FRAS1: variants seen among roughly 807,000 people sequenced by gnomAD.
The protein encoded by FRAS1 is Fraser extracellular matrix complex subunit 1, also known as extracellular matrix organizing protein FRAS1.
In FRAS1, 290 loss-of-function variants were observed where a neutral mutation model predicts 435.2. The ratio of observed to expected loss-of-function variants is 0.67; its 90% CI spans 0.61 to 0.73. The LOEUF is 0.73. Ranked by LOEUF, FRAS1 falls within the 30% of genes least tolerant of loss-of-function variation. The pLI, the probability that FRAS1 is intolerant of heterozygous loss-of-function variation, is 0.00. For synonymous variants in FRAS1, 1,800 were observed against 1,851.0 expected (o/e 0.97, Z 0.71); for missense variants, 4,860 against 5,001.5 (o/e 0.97, Z 0.85).
chr4:78,467,013 A>G (rs1325484380), intron 50 of FRAS1, among the ~76,000 whole-genome samples: 1 of 152,170 alleles, frequency 6.6e-6, no homozygotes, highest in Non-Finnish European at 1.5e-5. Flanking sequence ...TGGGCATACA[A>G]TGTTTAACAC....
At position 78,483,799 on chromosome 4, in the gene FRAS1, A is replaced by ATATAT. The variant is rs1560753038; in HGVS notation, c.8752+1264_8752+1265insTATAT. ...CTCTCTCTCTATATATATATATATA[A>ATATAT]AATTATGTATGTGTGATACACACAC... On this transcript the variant is annotated intron_variant, in intron 58 of 73. Coordinates refer to ENST00000512123, the MANE Select transcript of FRAS1 (RefSeq NM_025074.7). Among the ~76,000 whole-genome samples the ATATAT allele has an allele frequency of 1.6e-3, 108 of 67,446 alleles. 7 individuals are homozygous for ATATAT. The highest frequency in any genetic ancestry group is 0.015 in the Middle Eastern group (2 of 130). 44.2% of individuals were successfully genotyped at this position (67,446 alleles called of 152,430 possible).
intron 6 of FRAS1, among the ~76,000 whole-genome samples, chr4:78,258,116 G>A (rs1725873447): frequency 6.6e-6 from 1 of 152,120 alleles, no homozygotes; most frequent in Non-Finnish European, 1.5e-5. Flanking sequence ...CTACAGGGGT[G>A]AATTGCTTGA....
chr4:78,084,125 T>G (rs564226893), intron 2 of FRAS1, among the ~76,000 whole-genome samples: 1 of 152,242 alleles, frequency 6.6e-6, no homozygotes, highest in East Asian at 1.9e-4. Context: ...TTCCTCCTTA[T>G]TCACAATTTC....
rs764042258 is a variant in FRAS1, at chr4:78,432,517, G to A, written c.5130G>A (p.Gly1710=). Residue 1710 remains glycine (G), a synonymous_variant, in exon 38 of 74, where the codon GGG becomes GGA. Transcript: ENST00000512123. ...AGGTGTCCCTGTCAGAAGACCGAGG[G>A]CCTCGACTGGCTGCTGGCTCCTCTC... The part of the protein sequence containing the change: ...RVEVSLSEDR[G]PRLAAGSSLS... The A allele has an allele frequency of 8.7e-6, 14 of 1,612,934 alleles. No homozygotes were observed. The highest frequency in any genetic ancestry group is 1.2e-5 in the Non-Finnish European group (14 of 1,179,456).
At chr4:78,418,201 T>C (rs1183883553) in intron 32 of FRAS1, among the ~76,000 whole-genome samples, 2 of 152,248 alleles carry the variant, frequency 1.3e-5, no homozygotes, top group African/African-American at 4.8e-5. Context: ...AGTATCTAGT[T>C]CTTTTGACCA....
chr4:78,397,484 T>A (rs1242464476), intron 29 of FRAS1, among the ~76,000 whole-genome samples: 1 of 152,200 alleles, frequency 6.6e-6, no homozygotes, highest in Non-Finnish European at 1.5e-5. Flanking sequence ...CCGAAGAGCC[T>A]GAATGTACTC....
At chr4:78,423,724 CT>C (rs1315119933) in intron 34 of FRAS1, among the ~76,000 whole-genome samples, 1 of 152,148 alleles carries the variant, frequency 6.6e-6, no homozygotes, top group Non-Finnish European at 1.5e-5. Flanking sequence ...TAGGCTTCCT[CT>C]TTAGTGTCTG....
intron 70 of FRAS1, among the ~76,000 whole-genome samples, chr4:78,527,407 C>T (rs1721570230): frequency 6.6e-6 from 1 of 152,158 alleles, no homozygotes; most frequent in Admixed American, 6.6e-5. Context: ...GATAGCACTA[C>T]ACTAGAGCAG....
chr4:78,127,900 C>A (rs1397129919), intron 2 of FRAS1, among the ~76,000 whole-genome samples: 1 of 117,946 alleles, frequency 8.5e-6, no homozygotes, highest in Admixed American at 9.4e-5. Context: ...TATCCCTTCC[C>A]CCTCCCCCCA....
rs774589887 is a variant in FRAS1, at chr4:78,437,812, G to A, written c.5218-758G>A. On this transcript the variant is annotated intron_variant, in intron 38 of 73. Transcript: ENST00000512123. ...ACTCAGGGAAACTTTATAAGAAGAT[G>A]TTGCCTGCCTCCCAGATATTTCCAA... 2.0e-5 allele frequency among the ~76,000 whole-genome samples: 3 copies of A among 152,230 alleles called. No individual in the cohort carries two copies. The East Asian group carries it at 5.8e-4, about 29-fold the overall frequency.
At position 78,499,901 on chromosome 4, in the gene FRAS1, G is replaced by A. The variant is rs149692526; in HGVS notation, c.9296G>A (p.Arg3099Gln). The part of the protein sequence containing the change: ...QSGVDYYPKS[R>Q]VLKFSPGVDH... ...GGTGTGGATTATTACCCAAAGAGCC[G>A]AGTCTTGAAGTTCAGTCCCGGTAAT... Residue 3099 changes from arginine to glutamine, a missense_variant, in exon 61 of 74, where the codon CGA (arginine) becomes CAA (glutamine). Transcript: ENST00000512123. 1,262 of 1,573,670 alleles carry A rather than the reference G, an allele frequency of 8.0e-4. 7 individuals carry two copies. The Middle Eastern group carries it at 0.013, about 16-fold the overall frequency.
intron 30 of FRAS1, among the ~76,000 whole-genome samples, chr4:78,406,012 TG>T (rs1733081268): frequency 6.6e-6 from 1 of 152,234 alleles, no homozygotes; most frequent in South Asian, 2.1e-4. Flanking sequence ...AACAGATTGC[TG>T]GTGATGGTGG....
At chr4:78,073,788 C>A (rs974980963) in intron 2 of FRAS1, among the ~76,000 whole-genome samples, 1 of 152,090 alleles carries the variant, frequency 6.6e-6, no homozygotes, top group Non-Finnish European at 1.5e-5. Flanking sequence ...ATTTCAGTTA[C>A]AAATGTCTGA....
chr4:78,106,295 G>A (rs1345280825), intron 2 of FRAS1, among the ~76,000 whole-genome samples: 1 of 83,650 alleles, frequency 1.2e-5, no homozygotes, highest in Non-Finnish European at 2.5e-5. Context: ...TCTGGGGGCA[G>A]GGCACAGGCA....
At chr4:78,063,515 A>C (rs184710777) in intron 1 of FRAS1, among the ~76,000 whole-genome samples, 17 of 152,314 alleles carry the variant, frequency 1.1e-4, no homozygotes, top group Non-Finnish European at 2.2e-4. Flanking sequence ...AAAGCAACCC[A>C]AATTGAATTA....
chr4:78,233,602 AAG>A (rs1724605160), intron 2 of FRAS1, among the ~76,000 whole-genome samples: 1 of 152,244 alleles, frequency 6.6e-6, no homozygotes, highest in African/African-American at 2.4e-5. Flanking sequence ...GTCCCTTAAT[AAG>A]TGCCAGACAC....
intron 22 of FRAS1, among the ~76,000 whole-genome samples, chr4:78,364,745 A>G (rs138031883): frequency 1.3e-5 from 2 of 152,238 alleles, no homozygotes; most frequent in East Asian, 3.8e-4. Flanking sequence ...CACTTATTTT[A>G]TCTCAGTCAC....
At position 78,452,271 on chromosome 4, in the gene FRAS1, A is replaced by G. The variant is rs1426350877; in HGVS notation, c.6680A>G (p.Asp2227Gly). The G allele has an allele frequency of 6.2e-7, 1 of 1,613,420 alleles. No individual in the cohort carries two copies. Among genetic ancestry groups the G allele is most frequent in the Admixed American group, 1.7e-5 (1 of 60,010 alleles). Reference protein sequence around the residue: ...KITTLQLSATDQDSGPTELIY... With the variant: ...KITTLQLSATGQDSGPTELIY... ...ACCACCCTGCAGCTGTCTGCCACTG[A>G]CCAGGACAGTGGGCCTACAGAATTG... The change falls in exon 47 of 74, where the codon GAC (aspartate) becomes GGC (glycine). Residue 2227 changes from aspartate (D) to glycine (G), a missense_variant. Asp to Gly is a moderately conservative substitution (Grantham distance 94). Transcript: ENST00000512123.
At chr4:78,091,256 ATTTC>A (rs746077815) in intron 2 of FRAS1, among the ~76,000 whole-genome samples, 2 of 151,180 alleles carry the variant, frequency 1.3e-5, no homozygotes, top group Non-Finnish European at 2.9e-5. Context: ...CTTTTTTGGT[ATTTC>A]TTCTGCCACT....
Sources: allele counts gnomAD v4.1 joint callset (sites outside exome capture counted in the v4.1 genomes callset), GRCh38; gene constraint gnomAD v4.1.1; transcripts MANE v1.5; gene names NCBI Gene and HGNC (gene_info 2026-07-23, HGNC 2026-07-21).